The following PBX3 variants were observed in gnomAD, a reference collection of about 807,000 sequenced individuals.
PBX3 encodes PBX homeobox 3.
In PBX3, 14 loss-of-function variants were observed where a neutral mutation model predicts 48.5. The observed-to-expected ratio is 0.29, with a 90% confidence interval of 0.19 to 0.45. The LOEUF (loss-of-function observed/expected upper bound fraction) is 0.45. Ranked by LOEUF, PBX3 falls within the 20% of genes least tolerant of loss-of-function variation. PBX3 has a pLI of 1.00. For synonymous variants in PBX3, 210 were observed against 200.3 expected (o/e 1.05, Z -0.41); for missense variants, 386 against 546.7 (o/e 0.71, Z 2.93).
At chr9:125,953,551 A>G (rs1842237077) in intron 5 of PBX3, among the ~76,000 whole-genome samples, 1 of 152,104 alleles carries the variant, frequency 6.6e-6, no homozygotes, top group Non-Finnish European at 1.5e-5. Context: ...GATAAGTTTT[A>G]GTAATCTGGG....
intron 2 of PBX3, among the ~76,000 whole-genome samples, chr9:125,900,641 C>T (rs949659376): frequency 2.6e-5 from 4 of 151,694 alleles, no homozygotes; most frequent in Admixed American, 2.0e-4. Context: ...CTAAACAAAC[C>T]ACAAAGAGAT....
At position 125,843,546 on chromosome 9, in the gene PBX3, A is replaced by G. The variant is rs145082420; in HGVS notation, c.275-72140A>G. Among the ~76,000 whole-genome samples the G allele has an allele frequency of 2.0e-5, 3 of 152,258 alleles. No individual in the cohort carries two copies. The East Asian group carries it at 5.8e-4, about 29-fold the overall frequency. On this transcript the variant is annotated intron_variant, in intron 2 of 8. Transcript: ENST00000373489. ...CTCACTTTCCACCGGCTGGATGCACATTATCTTTATCTTTATTTATTAATA... is the reference window on the plus strand; with the variant it reads ...CTCACTTTCCACCGGCTGGATGCACGTTATCTTTATCTTTATTTATTAATA...
At chr9:125,847,580 A>G (rs1030898961) in intron 2 of PBX3, among the ~76,000 whole-genome samples, 1 of 152,064 alleles carries the variant, frequency 6.6e-6, no homozygotes, top group African/African-American at 2.4e-5. Flanking sequence ...ACTTTTAAAT[A>G]GGACAAAAAT....
At chr9:125,834,803 G>A (rs1308099060) in intron 2 of PBX3, among the ~76,000 whole-genome samples, 7 of 150,214 alleles carry the variant, frequency 4.7e-5, no homozygotes, top group African/African-American at 1.7e-4. Context: ...ATCACCTGAG[G>A]TCAGGAGTTT....
At chr9:125,861,273 TG>T (rs1472688007) in intron 2 of PBX3, among the ~76,000 whole-genome samples, 1 of 152,068 alleles carries the variant, frequency 6.6e-6, no homozygotes, top group Non-Finnish European at 1.5e-5. Flanking sequence ...TACTCCAGCC[TG>T]GGTGATAAAG....
At chr9:125,870,339 G>A (rs535070009) in intron 2 of PBX3, among the ~76,000 whole-genome samples, 4 of 152,142 alleles carry the variant, frequency 2.6e-5, no homozygotes, top group Non-Finnish European at 5.9e-5. Flanking sequence ...AAAGTGCTGG[G>A]ATTACAGGTG....
chr9:125,896,274 T>C (rs570841733), intron 2 of PBX3, among the ~76,000 whole-genome samples: 3 of 152,094 alleles, frequency 2.0e-5, no homozygotes, highest in Admixed American at 6.6e-5. Context: ...GAGAGAAACC[T>C]AGAATAAAAA....
chr9:125,922,311 A>G (rs1841474467), intron 3 of PBX3, among the ~76,000 whole-genome samples: 1 of 152,198 alleles, frequency 6.6e-6, no homozygotes, highest in Non-Finnish European at 1.5e-5. Flanking sequence ...TTAACAGATG[A>G]AATCTTCCAT....
intron 6 of PBX3, among the ~76,000 whole-genome samples, 190 bp from the exon 7 acceptor site, chr9:125,961,912 C>A (rs1035914754): frequency 4.6e-5 from 7 of 152,188 alleles, no homozygotes; most frequent in African/African-American, 1.7e-4. Context: ...GATGGGACTT[C>A]TCCTAGATGT....
intron 2 of PBX3, among the ~76,000 whole-genome samples, chr9:125,789,606 A>G (rs1397550538): frequency 6.6e-6 from 1 of 152,076 alleles, no homozygotes; most frequent in Non-Finnish European, 1.5e-5. Context: ...TTGTAACCTA[A>G]TCTTGGAATC....
chr9:125,818,859 G>A (rs986954899), intron 2 of PBX3, among the ~76,000 whole-genome samples: 1 of 151,298 alleles, frequency 6.6e-6, no homozygotes, highest in Non-Finnish European at 1.5e-5. Flanking sequence ...TATTTGAGAC[G>A]AAGTCTTTCT....
chr9:125,842,279 G>A (rs1455562322), intron 2 of PBX3, among the ~76,000 whole-genome samples: 1 of 152,076 alleles, frequency 6.6e-6, no homozygotes, highest in African/African-American at 2.4e-5. Context: ...TCAATTCTAG[G>A]CAACAGTGGC....
chr9:125,798,065 A>G (rs767634772), intron 2 of PBX3, among the ~76,000 whole-genome samples: 5 of 152,090 alleles, frequency 3.3e-5, no homozygotes, highest in Non-Finnish European at 7.4e-5. Context: ...AGTTCAGTAT[A>G]CTCTAAATGC....
At position 125,966,838 on chromosome 9, in the gene PBX3, A is replaced by G. The variant is rs1842543504; in HGVS notation, c.*915A>G. On this transcript the variant is annotated 3_prime_UTR_variant, in exon 9 of 9. Coordinates refer to ENST00000373489, the MANE Select transcript of PBX3 (RefSeq NM_006195.6). The stretch of plus-strand genomic sequence containing the variant: ...CTGTAGCTTAGAGTGCTCACTTACT[A>G]CCTCTGAACAATACTCACGCTGTAG... The G allele has an allele frequency of 6.6e-6, 1 of 152,514 alleles. No homozygotes were observed. Among genetic ancestry groups the G allele is most frequent in the Non-Finnish European group, 1.5e-5 (1 of 67,998 alleles). The allele number at this position is 152,514 out of a possible 1,614,324, so 9.4% of individuals were successfully genotyped here. A position where few individuals can be genotyped will look rare whatever the true frequency, so the allele number is the denominator to read the frequency against.
Position 125,780,645 on chromosome 9 carries a change from AC to A in PBX3, c.274+32029del, listed in dbSNP as rs546120994. On this transcript the variant is annotated intron_variant, in intron 2 of 8. Coordinates refer to ENST00000373489, the MANE Select transcript of PBX3 (RefSeq NM_006195.6). ...GGGCGGCTGGCCGGGCGGGGGGCTG[AC>A]CCCCCCACCTCCCTCCCGGATGGGG... 5.1e-3 allele frequency among the ~76,000 whole-genome samples: 348 copies of A among 67,892 alleles called. 1 individual carries two copies. The highest frequency in any genetic ancestry group is 0.044 in the East Asian group (83 of 1,866). 44.5% of individuals were successfully genotyped at this position (67,892 alleles called of 152,430 possible).
intron 2 of PBX3, among the ~76,000 whole-genome samples, chr9:125,873,096 C>G (rs58713551): frequency 0.06 from 9,031 of 151,108 alleles, 622 homozygotes; most frequent in East Asian, 0.17. Flanking sequence ...AGCTACTCAG[C>G]AGGCTGAGGC....
At chr9:125,950,809 GA>G (rs928116941) in intron 5 of PBX3, among the ~76,000 whole-genome samples, 7 of 151,864 alleles carry the variant, frequency 4.6e-5, no homozygotes, top group Non-Finnish European at 8.8e-5. Flanking sequence ...TCTTAGAAGA[GA>G]AAAAAAATTG....
At position 125,965,898 on chromosome 9, in the gene PBX3, G is replaced by C. The variant is rs759131706; in HGVS notation, c.1280G>C (p.Ser427Thr). The C allele has an allele frequency of 1.1e-5, 17 of 1,613,980 alleles. No homozygotes were observed. The highest frequency in any genetic ancestry group is 1.4e-5 in the Non-Finnish European group (17 of 1,179,836). ...ACTTCTCCTACAGAAGGCCCAGGAA[G>C]TGTGCACTCGGATACCTCTAACTAA... ...SVTSPTEGPG[S>T]VHSDTSN Residue 427 changes from serine (S) to threonine (T), a missense_variant, in exon 9 of 9, where the codon AGT (serine) becomes ACT (threonine). Transcript: ENST00000373489.
chr9:125,807,744 T>C (rs1838169344), intron 2 of PBX3, among the ~76,000 whole-genome samples: 1 of 152,212 alleles, frequency 6.6e-6, no homozygotes, highest in South Asian at 2.1e-4. Flanking sequence ...ACTTCTCTTA[T>C]TAAATATCCT....
Sources: allele counts gnomAD v4.1 joint callset (sites outside exome capture counted in the v4.1 genomes callset), GRCh38; gene constraint gnomAD v4.1.1; transcripts MANE v1.5; gene names NCBI Gene and HGNC (gene_info 2026-07-23, HGNC 2026-07-21).